Variants in DCTN6 observed in about 807,000 individuals in gnomAD.
DCTN6 encodes the protein dynactin 6.
In DCTN6, 15 loss-of-function variants were observed where a neutral mutation model predicts 25.8. The observed-to-expected ratio is 0.58, with a 90% CI of 0.39 to 0.89. The LOEUF (loss-of-function observed/expected upper bound fraction) is 0.89. Ranked by LOEUF, DCTN6 falls within the 40% of genes least tolerant of loss-of-function variation. The pLI is 0.00. For synonymous variants in DCTN6, 64 were observed against 78.3 expected (o/e 0.82, Z 0.96); for missense variants, 198 against 237.6 (o/e 0.83, Z 1.09).
chr8:30,173,310 G>T (rs1031657638), intron 2 of DCTN6, among the ~76,000 whole-genome samples: 1 of 152,278 alleles, frequency 6.6e-6, no homozygotes, highest in African/African-American at 2.4e-5. Flanking sequence ...TTGTGAATGA[G>T]TGTATATTAA....
chr8:30,181,658 C>T (rs1027088673), intron 6 of DCTN6, among the ~76,000 whole-genome samples: 19 of 151,992 alleles, frequency 1.3e-4, no homozygotes, highest in South Asian at 6.2e-4. Context: ...CCAAGGCGGG[C>T]GGATCACTTG....
chr8:30,175,444 C>T (rs1385280403), intron 3 of DCTN6, among the ~76,000 whole-genome samples: 1 of 152,136 alleles, frequency 6.6e-6, no homozygotes, highest in African/African-American at 2.4e-5. Context: ...CTTCCCCTTA[C>T]ATGTGGCTAT....
intron 6 of DCTN6, among the ~76,000 whole-genome samples, chr8:30,182,473 A>G (rs1490213881): frequency 6.6e-6 from 1 of 152,102 alleles, no homozygotes; most frequent in Admixed American, 6.6e-5. Context: ...CGGAACTTTT[A>G]ACTTTTCAGA....
chr8:30,175,332 CA>C, intron 3 of DCTN6, 142 bp downstream of exon 3: 1 of 657,720 alleles, frequency 1.5e-6, no homozygotes. Flanking sequence ...TCTTTTTCAA[CA>C]TAAGTAAATG....
At chr8:30,167,691 T>TTTTCTTTCTTTCTTTCTTTC (rs111706788) in intron 2 of DCTN6, among the ~76,000 whole-genome samples, 1 of 151,632 alleles carries the variant, frequency 6.6e-6, no homozygotes, top group East Asian at 2.0e-4. Flanking sequence ...TTAACACAGA[T>TTTTCTTTCTTTCTTTCTTTC]TTTCTTTCTT....
intron 1 of DCTN6, among the ~76,000 whole-genome samples, chr8:30,158,055 G>A (rs1018218003): frequency 2.0e-5 from 3 of 152,116 alleles, no homozygotes; most frequent in African/African-American, 7.2e-5. Context: ...AGATACAAGG[G>A]GTCCTTGCAG....
At chr8:30,161,530 C>A (rs553925807) in intron 1 of DCTN6, among the ~76,000 whole-genome samples, 1 of 152,044 alleles carries the variant, frequency 6.6e-6, no homozygotes, top group South Asian at 2.1e-4. Flanking sequence ...AAATTCAAAT[C>A]CCTGGTCATG....
intron 2 of DCTN6, among the ~76,000 whole-genome samples, chr8:30,174,133 G>A (rs879932954): frequency 4.6e-5 from 7 of 152,148 alleles, no homozygotes; most frequent in Non-Finnish European, 7.3e-5. Context: ...CAAAGTCCTC[G>A]GACTCCAGTG....
At chr8:30,169,173 A>C (rs1483511772) in intron 2 of DCTN6, among the ~76,000 whole-genome samples, 2 of 152,226 alleles carry the variant, frequency 1.3e-5, no homozygotes, top group African/African-American at 2.4e-5. Context: ...TCATTGCGGC[A>C]GTCTTTTTCA....
At chr8:30,157,338 T>C (rs1803539648) in intron 1 of DCTN6, among the ~76,000 whole-genome samples, 2 of 152,230 alleles carry the variant, frequency 1.3e-5, no homozygotes, top group Admixed American at 6.5e-5. Context: ...CAGTCATCCG[T>C]TGATGAACAC....
rs1010784802 is a variant in DCTN6 at position 30,182,961 on chromosome 8, G to C, written c.475-114G>C. The C allele has an allele frequency of 3.0e-5, 23 of 770,146 alleles. No individual in the cohort carries two copies. In the African/African-American group the frequency reaches 3.8e-4, roughly 13 times the overall value. The allele number at this position is 770,146 out of a possible 1,614,324, so 47.7% of individuals were successfully genotyped here. Reference sequence around the variant, plus strand: ...ACTCCTGAGCTCAAATCATCCTCCTGTCTGGGCCTCCCAAAGTGCTGAGAT... The same window carrying C: ...ACTCCTGAGCTCAAATCATCCTCCTCTCTGGGCCTCCCAAAGTGCTGAGAT... On this transcript the variant is annotated intron_variant, in intron 6 of 6. Coordinates refer to ENST00000221114, the MANE Select transcript of DCTN6 (RefSeq NM_006571.4).
chr8:30,173,443 A>G (rs907781004), intron 2 of DCTN6, among the ~76,000 whole-genome samples: 1 of 152,220 alleles, frequency 6.6e-6, no homozygotes, highest in African/African-American at 2.4e-5. Flanking sequence ...TTATGAATTG[A>G]CAATTTATAT....
chr8:30,162,077 A>G (rs967172994), intron 1 of DCTN6, among the ~76,000 whole-genome samples: 1 of 150,454 alleles, frequency 6.6e-6, no homozygotes, highest in Non-Finnish European at 1.5e-5. Context: ...TTCTTGCACA[A>G]ACATTTACAC....
intron 2 of DCTN6, among the ~76,000 whole-genome samples, chr8:30,166,553 T>TG (rs199876389): frequency 4.0e-4 from 61 of 151,452 alleles, no homozygotes; most frequent in Middle Eastern, 3.4e-3. Flanking sequence ...CATTATGTGG[T>TG]GGGGGGGGTA....
chr8:30,177,094 C>A, intron 3 of DCTN6, 32 bp from the exon 4 acceptor site: 1 of 1,565,644 alleles, frequency 6.4e-7, no homozygotes, highest in Non-Finnish European at 8.7e-7. Flanking sequence ...GTGTTATTGA[C>A]TTTTTGGATG....
chr8:30,169,842 T>C (rs1803738882), intron 2 of DCTN6, among the ~76,000 whole-genome samples: 1 of 152,148 alleles, frequency 6.6e-6, no homozygotes, highest in Non-Finnish European at 1.5e-5. Flanking sequence ...AAAGCAGAAT[T>C]ATCCGCATCA....
chr8:30,179,349 G>A, intron 4 of DCTN6, 59 bp from the exon 5 acceptor site: 1 of 1,427,580 alleles, frequency 7.0e-7, no homozygotes, highest in African/African-American at 1.4e-5. Flanking sequence ...AGTACATACT[G>A]TGTTAGTGGG....
intron 1 of DCTN6, among the ~76,000 whole-genome samples, chr8:30,157,402 G>A (rs1403280464): frequency 1.3e-5 from 2 of 152,196 alleles, no homozygotes; most frequent in African/African-American, 4.8e-5. Context: ...AGTCATAGGA[G>A]TGCAGTTGTC....
intron 3 of DCTN6, 171 bp from the exon 4 acceptor site, chr8:30,176,955 A>G (rs1357340520): frequency 3.9e-6 from 2 of 518,616 alleles, no homozygotes; most frequent in Non-Finnish European, 6.8e-6. Flanking sequence ...CCTGGGTGAT[A>G]GAGTGAGATT....
Sources: allele counts gnomAD v4.1 joint callset (sites outside exome capture counted in the v4.1 genomes callset), GRCh38; gene constraint gnomAD v4.1.1; transcripts MANE v1.5; gene names NCBI Gene and HGNC (gene_info 2026-07-23, HGNC 2026-07-21).